The following FAM13B variants were observed in gnomAD, a reference collection of about 807,000 sequenced individuals.
FAM13B encodes protein FAM13B.
FAM13B carries 60 observed loss-of-function variants against 117.3 expected under a neutral mutation model. That is an observed-to-expected ratio of 0.51 (90% CI 0.42 to 0.63). The LOEUF (loss-of-function observed/expected upper bound fraction) is 0.63. Ranked by LOEUF, FAM13B falls within the 30% of genes least tolerant of loss-of-function variation. The pLI is 0.00. For missense variants in FAM13B, 972 were observed against 1,091.9 expected, an observed-to-expected ratio of 0.89 and a Z score of 1.55; for synonymous variants, 332 against 356.1, an observed-to-expected ratio of 0.93 and a Z score of 0.76.
chr5:137,969,845 G>A (rs1001673248), intron 10 of FAM13B, among the ~76,000 whole-genome samples: 1 of 152,206 alleles, frequency 6.6e-6, no homozygotes, highest in African/African-American at 2.4e-5. Flanking sequence ...CAATCAACTG[G>A]AAGAAGGGGT....
chr5:138,030,293 C>G (rs1302084322), intron 1 of FAM13B, among the ~76,000 whole-genome samples: 2 of 152,194 alleles, frequency 1.3e-5, no homozygotes, highest in Non-Finnish European at 2.9e-5. Flanking sequence ...GTCCCCCAGG[C>G]TGGAATGCAA....
At position 138,032,782 on chromosome 5, in the gene FAM13B, C is replaced by T. The variant is rs1269309323; in HGVS notation, c.-203G>A. The T allele has an allele frequency of 3.0e-6, 3 of 985,660 alleles. No individual in the cohort carries two copies. Among genetic ancestry groups the T allele is most frequent in the African/African-American group, 1.7e-5 (1 of 57,240 alleles). 61.1% of individuals were successfully genotyped at this position (985,660 alleles called of 1,614,324 possible). On this transcript the variant is annotated splice_region_variant and 5_prime_UTR_variant, in exon 1 of 24. Coordinates refer to ENST00000689681, the MANE Select transcript of FAM13B (RefSeq NM_001385994.1). The stretch of plus-strand genomic sequence containing the variant: ...TCCGGGTACCCGCCCGTTTACCTAC[C>T]GTTGGAACCGCGATGCCCCGTTCCC...
At chr5:138,008,052 T>G (rs1008397748) in intron 6 of FAM13B, among the ~76,000 whole-genome samples, 19 of 152,162 alleles carry the variant, frequency 1.2e-4, no homozygotes, top group African/African-American at 3.6e-4. Flanking sequence ...TAGAATACTA[T>G]CAGAAAGTAA....
At chr5:137,981,853 G>A (rs975620191) in intron 10 of FAM13B, among the ~76,000 whole-genome samples, 1 of 152,102 alleles carries the variant, frequency 6.6e-6, no homozygotes, top group Non-Finnish European at 1.5e-5. Context: ...AGAGACTGGA[G>A]TGGGTGGGTA....
At chr5:137,946,391 TCTC>T (rs1763456387) in intron 18 of FAM13B, 80 bp from the exon 19 acceptor site, 2 of 841,248 alleles carry the variant, frequency 2.4e-6, no homozygotes, top group East Asian at 5.2e-5. Flanking sequence ...CCATTAATAT[TCTC>T]CTCACTCCCA....
At chr5:137,966,954 T>C (rs1445221772) in intron 10 of FAM13B, among the ~76,000 whole-genome samples, 1 of 152,196 alleles carries the variant, frequency 6.6e-6, no homozygotes, top group East Asian at 1.9e-4. Flanking sequence ...CTGAATCTGC[T>C]CTTCACATCT....
chr5:137,950,969 G>A (rs1355966561), intron 17 of FAM13B, among the ~76,000 whole-genome samples: 4 of 152,136 alleles, frequency 2.6e-5, no homozygotes, highest in African/African-American at 7.2e-5. Context: ...CACTGTGGGA[G>A]GCCAAGGCAG....
chr5:137,994,355 A>C (rs1779350057), intron 7 of FAM13B, among the ~76,000 whole-genome samples: 1 of 152,248 alleles, frequency 6.6e-6, no homozygotes, highest in African/African-American at 2.4e-5. Flanking sequence ...CTTCTGAAGG[A>C]CAAAAAGGAC....
chr5:137,987,677 A>G (rs1027775828), intron 8 of FAM13B, 61 bp from the exon 9 acceptor site: 1 of 1,506,594 alleles, frequency 6.6e-7, no homozygotes, highest in South Asian at 1.3e-5. Flanking sequence ...GGTGACACAG[A>G]CATAAATGCT....
intron 1 of FAM13B, among the ~76,000 whole-genome samples, chr5:138,047,903 C>A (rs1791688509): frequency 6.6e-6 from 1 of 152,074 alleles, no homozygotes; most frequent in Admixed American, 6.5e-5. Context: ...GACTGCTGAC[C>A]TACAGAACTA....
chr5:138,029,495 G>A (rs990184952), intron 1 of FAM13B, among the ~76,000 whole-genome samples: 1 of 152,102 alleles, frequency 6.6e-6, no homozygotes, highest in African/African-American at 2.4e-5. Context: ...TTTTACAACA[G>A]TAATAGTTTC....
At chr5:137,990,976 T>A (rs1778469080) in intron 7 of FAM13B, among the ~76,000 whole-genome samples, 1 of 152,132 alleles carries the variant, frequency 6.6e-6, no homozygotes, top group Non-Finnish European at 1.5e-5. Context: ...GTGCACACAC[T>A]TTGACTCAGA....
At chr5:138,047,230 G>A (rs1361990995) in intron 1 of FAM13B, among the ~76,000 whole-genome samples, 1 of 151,668 alleles carries the variant, frequency 6.6e-6, no homozygotes, top group African/African-American at 2.4e-5. Context: ...ATTCAGACCG[G>A]GCGCGGTGGC....
At chr5:137,948,039 T>C (rs1471359901) in intron 18 of FAM13B, among the ~76,000 whole-genome samples, 1 of 152,084 alleles carries the variant, frequency 6.6e-6, no homozygotes, top group Admixed American at 6.5e-5. Flanking sequence ...TTAGGACTAT[T>C]ACCTAGATAA....
intron 1 of FAM13B, among the ~76,000 whole-genome samples, chr5:138,022,666 C>A (rs868158361): frequency 1.3e-5 from 2 of 152,120 alleles, no homozygotes; most frequent in Non-Finnish European, 2.9e-5. Flanking sequence ...AACAGACTTA[C>A]ACTAAAAGTC....
chr5:138,047,389 C>A (rs148378888), intron 1 of FAM13B, among the ~76,000 whole-genome samples: 19,876 of 151,604 alleles, frequency 0.13, 1,552 homozygotes, highest in Non-Finnish European at 0.17. Flanking sequence ...GCCTGTAGTC[C>A]CAGCTACTCA....
intron 7 of FAM13B, among the ~76,000 whole-genome samples, chr5:137,997,469 C>CA (rs1247826230): frequency 1.3e-5 from 2 of 150,166 alleles, no homozygotes; most frequent in African/African-American, 4.9e-5. Context: ...AACTCCATCT[C>CA]AAAAAATATA....
chr5:138,025,878 T>C (rs1318535499), intron 1 of FAM13B, among the ~76,000 whole-genome samples: 1 of 152,210 alleles, frequency 6.6e-6, no homozygotes, highest in Non-Finnish European at 1.5e-5. Context: ...CTTACAAATA[T>C]ACTACAGAGC....
At chr5:137,972,469 A>G (rs1419070392) in intron 10 of FAM13B, among the ~76,000 whole-genome samples, 8 of 150,916 alleles carry the variant, frequency 5.3e-5, no homozygotes, top group African/African-American at 1.2e-4. Flanking sequence ...TCAAAATAAT[A>G]AGAGCTATCT....
Sources: allele counts gnomAD v4.1 joint callset (sites outside exome capture counted in the v4.1 genomes callset), GRCh38; gene constraint gnomAD v4.1.1; transcripts MANE v1.5; gene names NCBI Gene and HGNC (gene_info 2026-07-23, HGNC 2026-07-21).